The following SENP6 variants were observed in gnomAD, a reference collection of about 807,000 sequenced individuals.
SENP6 encodes the protein sentrin-specific protease 6.
SENP6 carries 41 observed loss-of-function variants against 134.5 expected under a neutral mutation model. The observed-to-expected ratio is 0.30, with a 90% CI of 0.24 to 0.40. The LOEUF is 0.40. Among genes scored for constraint, SENP6 ranks in the 10% least tolerant of loss-of-function variants. The pLI, the probability that SENP6 is intolerant of heterozygous loss-of-function variation, is 1.00. For missense variants in SENP6, 1,248 were observed against 1,312.5 expected (o/e 0.95, Z 0.76); for synonymous variants, 395 against 429.8 (o/e 0.92, Z 1.00).
chr6:75,703,730 C>T (rs563320224), intron 19 of SENP6, among the ~76,000 whole-genome samples: 1 of 152,056 alleles, frequency 6.6e-6, no homozygotes, highest in Admixed American at 6.6e-5. Context: ...CCACTGCAGT[C>T]CAGCCTGGGT....
chr6:75,633,538 A>G lies in SENP6; in HGVS notation c.208-43A>G, dbSNP rs537540654. 11 of 1,524,994 alleles carry G rather than the reference A, an allele frequency of 7.2e-6. No individual in the cohort carries two copies. In the South Asian group the frequency reaches 1.4e-4, roughly 19 times the overall value. 94.5% of individuals were successfully genotyped at this position (1,524,994 alleles called of 1,614,324 possible). ...CAAATAGTTGTTGATAGATTGTCAC[A>G]TTATAGCATTTTTGACTCATATTTC... On this transcript the variant is annotated intron_variant, in intron 3 of 23. Transcript: ENST00000447266.
Position 75,666,808 on chromosome 6 carries a change from C to A in SENP6, c.1091C>A (p.Ala364Glu). 2 of 1,613,746 alleles carry A rather than the reference C, an allele frequency of 1.2e-6. No individual in the cohort carries two copies. Among genetic ancestry groups the A allele is most frequent in the Non-Finnish European group, 1.7e-6 (2 of 1,179,672 alleles). Reference sequence around the variant, plus strand: ...GCTGATTCAGCATGTTCTTCCCCTGCACCATCCACTGGAAAAGTAGAAGCA... The same window carrying A: ...GCTGATTCAGCATGTTCTTCCCCTGAACCATCCACTGGAAAAGTAGAAGCA... ...QPADSACSSP[A>E]PSTGKVEAAL... Residue 364 changes from alanine (A) to glutamate (E), a missense_variant, in exon 10 of 24, where the codon GCA (alanine) becomes GAA (glutamate). Physicochemically the swap from Ala to Glu is moderately radical, Grantham distance 107 (BLOSUM62 -1). Coordinates refer to ENST00000447266, the MANE Select transcript of SENP6 (RefSeq NM_015571.4).
intron 12 of SENP6, 56 bp downstream of exon 12, chr6:75,675,524 T>C: frequency 9.4e-7 from 1 of 1,063,310 alleles, no homozygotes; most frequent in Non-Finnish European, 1.4e-6. Context: ...CAAAGCACTT[T>C]ACAGGAATAA....
At chr6:75,604,806 C>G (rs1189427492) in intron 1 of SENP6, among the ~76,000 whole-genome samples, 3 of 152,140 alleles carry the variant, frequency 2.0e-5, no homozygotes, top group East Asian at 1.9e-4. Context: ...GGCGTGGTGG[C>G]TCACGCCTGT....
chr6:75,624,995 C>T (rs1372215198), intron 3 of SENP6, among the ~76,000 whole-genome samples: 1 of 150,566 alleles, frequency 6.6e-6, no homozygotes, highest in African/African-American at 2.4e-5. Flanking sequence ...CACTGTAGTA[C>T]ATACAATAAT....
chr6:75,708,172 G>C (rs1303806368), intron 19 of SENP6, among the ~76,000 whole-genome samples: 1 of 152,068 alleles, frequency 6.6e-6, no homozygotes, highest in African/African-American at 2.4e-5. Context: ...CAATTCTCCT[G>C]TCTCTCAGCC....
chr6:75,714,245 A>G (rs979582783), intron 23 of SENP6, among the ~76,000 whole-genome samples: 1 of 152,148 alleles, frequency 6.6e-6, no homozygotes, highest in African/African-American at 2.4e-5. Flanking sequence ...CCTTATGTTA[A>G]AATTGCTCTT....
At position 75,663,383 on chromosome 6, in the gene SENP6, A is replaced by G. The variant is rs1331551241; in HGVS notation, c.859A>G (p.Ile287Val). The change falls in exon 9 of 24, where the codon ATT becomes GTT. Residue 287 changes from isoleucine to valine, a missense_variant. Around this residue, in one of 3 missense-constraint regions of SENP6, gnomAD observed 733 missense variants for 725.4 expected, o/e 1.01. Coordinates refer to ENST00000447266, the MANE Select transcript of SENP6 (RefSeq NM_015571.4). ...CAATGTGGAAAAGGTTCCAATTGAT[A>G]TTATTGTGAATTGTGATGACAGTAA... ...GNNVEKVPID[I>V]IVNCDDSKHT... 6.2e-7 allele frequency: 1 copy of G among 1,613,832 alleles called. No homozygotes were observed. Among genetic ancestry groups the G allele is most frequent in the Non-Finnish European group, 8.5e-7 (1 of 1,179,850 alleles).
At chr6:75,616,619 G>A (rs1306359347) in intron 1 of SENP6, among the ~76,000 whole-genome samples, 1 of 151,826 alleles carries the variant, frequency 6.6e-6, no homozygotes, top group Non-Finnish European at 1.5e-5. Flanking sequence ...GGTAGCATGC[G>A]CCTGTAATCC....
At chr6:75,689,642 A>G (rs564561152) in intron 16 of SENP6, among the ~76,000 whole-genome samples, 1 of 152,314 alleles carries the variant, frequency 6.6e-6, no homozygotes, top group African/African-American at 2.4e-5. Flanking sequence ...TAAGATTATA[A>G]TAACGTATTT....
intron 16 of SENP6, among the ~76,000 whole-genome samples, chr6:75,690,107 C>T (rs765854646): frequency 1.3e-5 from 2 of 152,162 alleles, no homozygotes; most frequent in Non-Finnish European, 2.9e-5. Flanking sequence ...GATGGTGTCT[C>T]ACTTTGTTGG....
At chr6:75,643,898 A>T in intron 6 of SENP6, among the ~76,000 whole-genome samples, 1 of 152,198 alleles carries the variant, frequency 6.6e-6, no homozygotes, top group Non-Finnish European at 1.5e-5. Context: ...AAATTAATAA[A>T]AAGAGCTATC....
In SENP6 at chr6:75,640,711, T is replaced by C; in HGVS notation, c.479+7T>C. On this transcript the variant is annotated splice_region_variant and intron_variant, in intron 6 of 23. Coordinates refer to ENST00000447266, the MANE Select transcript of SENP6 (RefSeq NM_015571.4). ...GTCTGGACCGAAAAGAAAGGTAAGC[T>C]TAATATTGAAGAAATTAGAGCATGG... is the stretch of plus-strand genomic sequence containing the variant. 6.7e-7 allele frequency: 1 copy of C among 1,492,210 alleles called. No homozygotes were observed. The highest frequency in any genetic ancestry group is 1.4e-5 in the African/African-American group (1 of 71,026). 92.4% of individuals were successfully genotyped at this position (1,492,210 alleles called of 1,614,324 possible). A position where few individuals can be genotyped will look rare whatever the true frequency, so the allele number is the denominator to read the frequency against.
chr6:75,682,867 C>A (rs1350967349), intron 16 of SENP6, among the ~76,000 whole-genome samples: 1 of 152,118 alleles, frequency 6.6e-6, no homozygotes, highest in Non-Finnish European at 1.5e-5. Flanking sequence ...AATAAACATA[C>A]ATGTGCATGT....
chr6:75,626,119 G>A (rs1427507419), intron 3 of SENP6, among the ~76,000 whole-genome samples: 5 of 120,532 alleles, frequency 4.1e-5, no homozygotes, highest in Non-Finnish European at 8.6e-5. Context: ...TAAATAGAGA[G>A]TTAGGTTTGT....
At chr6:75,629,593 C>G (rs1768956590) in intron 3 of SENP6, among the ~76,000 whole-genome samples, 1 of 152,176 alleles carries the variant, frequency 6.6e-6, no homozygotes, top group Non-Finnish European at 1.5e-5. Flanking sequence ...AGCCACCATG[C>G]CCAGCCAGAT....
intron 2 of SENP6, chr6:75,622,894 TTC>T: frequency 1.0e-6 from 1 of 966,814 alleles, no homozygotes; most frequent in Non-Finnish European, 1.4e-6. Flanking sequence ...TTTTATGGTT[TTC>T]TTTCTTTCAT....
At chr6:75,693,409 T>TTA (rs1229753288) in intron 16 of SENP6, among the ~76,000 whole-genome samples, 1 of 123,996 alleles carries the variant, frequency 8.1e-6, no homozygotes, top group African/African-American at 3.1e-5. Flanking sequence ...GTCTGAAATT[T>TTA]AAAAAAAAAA....
chr6:75,684,005 G>C (rs1390457381), intron 16 of SENP6, among the ~76,000 whole-genome samples: 1 of 152,098 alleles, frequency 6.6e-6, no homozygotes, highest in African/African-American at 2.4e-5. Flanking sequence ...CCATTTTCAT[G>C]ATATTGATTC....
Sources: allele counts gnomAD v4.1 joint callset (sites outside exome capture counted in the v4.1 genomes callset), GRCh38; gene constraint gnomAD v4.1.1; regional missense constraint gnomAD v4.1.1; transcripts MANE v1.5; gene names NCBI Gene and HGNC (gene_info 2026-07-23, HGNC 2026-07-21).